CGNL1: variants seen among roughly 807,000 people sequenced by gnomAD.
The protein encoded by CGNL1 is cingulin like 1.
Under a neutral mutation model 141.2 loss-of-function variants are expected in CGNL1, and 132 were observed. That is an observed-to-expected ratio of 0.93 (90% CI 0.81 to 1.08). The LOEUF is 1.08. Among genes scored for constraint, CGNL1 ranks in the 50% least tolerant of loss-of-function variants. CGNL1 has a pLI of 0.00. For missense variants in CGNL1, 1,870 were observed against 1,588.6 expected, an observed-to-expected ratio of 1.18 and a Z score of -3.01; for synonymous variants, 690 against 622.1, an observed-to-expected ratio of 1.11 and a Z score of -1.63.
chr15:57,453,903 C>G, intron 7 of CGNL1, 85 bp downstream of exon 7: 1 of 1,519,636 alleles, frequency 6.6e-7, no homozygotes, highest in Non-Finnish European at 9.0e-7. Flanking sequence ...GACTGCAAGC[C>G]ACTTTCTGAT....
At chr15:57,505,611 C>T (rs2064091019) in intron 8 of CGNL1, among the ~76,000 whole-genome samples, 1 of 152,188 alleles carries the variant, frequency 6.6e-6, no homozygotes, top group Non-Finnish European at 1.5e-5. Flanking sequence ...TGTCTTAACC[C>T]TGTGGGTACC....
chr15:57,413,712 T>G (rs1337361481), intron 1 of CGNL1, among the ~76,000 whole-genome samples: 1 of 152,150 alleles, frequency 6.6e-6, no homozygotes. Context: ...CATACCCACA[T>G]TCAGTGATAA....
intron 8 of CGNL1, 71 bp downstream of exon 8, chr15:57,461,963 G>A: frequency 9.1e-7 from 1 of 1,099,628 alleles, no homozygotes; most frequent in South Asian, 1.3e-5. Flanking sequence ...CCACACCACT[G>A]CAAATCCCCT....
At chr15:57,543,964 A>G (rs1447020619) in intron 15 of CGNL1, among the ~76,000 whole-genome samples, 185 bp downstream of exon 15, 1 of 152,172 alleles carries the variant, frequency 6.6e-6, no homozygotes. Flanking sequence ...GAAGCTTGGC[A>G]GCTGAGGGAG....
At chr15:57,378,672 C>T (rs1664472) in intron 1 of CGNL1, among the ~76,000 whole-genome samples, 81,864 of 151,872 alleles carry the variant, frequency 0.54, 23,885 homozygotes, top group Non-Finnish European at 0.64. Flanking sequence ...CATGAGCCAC[C>T]GTGCCCCGCC....
chr15:57,539,185 A>G (rs563813006), intron 14 of CGNL1, among the ~76,000 whole-genome samples: 1 of 152,078 alleles, frequency 6.6e-6, no homozygotes, highest in African/African-American at 2.4e-5. Flanking sequence ...CAGCAACTAG[A>G]TTTCTTTGTC....
intron 8 of CGNL1, among the ~76,000 whole-genome samples, chr15:57,479,780 C>T (rs2063702819): frequency 6.6e-6 from 1 of 151,900 alleles, no homozygotes; most frequent in East Asian, 1.9e-4. Context: ...GAATGAGGTA[C>T]AGGGGAGGCA....
intron 2 of CGNL1, among the ~76,000 whole-genome samples, chr15:57,439,905 T>C (rs2063163747): frequency 6.6e-6 from 1 of 152,214 alleles, no homozygotes; most frequent in African/African-American, 2.4e-5. Context: ...TCTGAAAGTA[T>C]GCAGAATTTG....
At chr15:57,379,762 T>C (rs1211593384) in intron 1 of CGNL1, among the ~76,000 whole-genome samples, 2 of 152,042 alleles carry the variant, frequency 1.3e-5, no homozygotes, top group African/African-American at 4.8e-5. Context: ...TTTTCAGGCA[T>C]GTGACATTGC....
At chr15:57,498,971 T>C (rs2063982734) in intron 8 of CGNL1, among the ~76,000 whole-genome samples, 1 of 152,178 alleles carries the variant, frequency 6.6e-6, no homozygotes. Flanking sequence ...TTTTTGCGTT[T>C]ATCCTTAAGA....
intron 14 of CGNL1, among the ~76,000 whole-genome samples, chr15:57,542,958 G>A (rs1311161465): frequency 1.3e-5 from 2 of 152,192 alleles, no homozygotes; most frequent in Admixed American, 6.5e-5. Flanking sequence ...AGTGTCATAG[G>A]ATCCTACCTG....
chr15:57,442,334 T>C, intron 3 of CGNL1, 39 bp from the exon 4 acceptor site: 1 of 1,280,552 alleles, frequency 7.8e-7, no homozygotes, highest in Non-Finnish European at 1.1e-6. Context: ...AGACCAGTGG[T>C]TGTGTCCCTC....
chr15:57,535,460 G>A (rs768953631), intron 14 of CGNL1, among the ~76,000 whole-genome samples: 1 of 152,164 alleles, frequency 6.6e-6, no homozygotes, highest in South Asian at 2.1e-4. Context: ...AGAGGGTGGG[G>A]ACCTGGGGTC....
chr15:57,453,088 C>A (rs1310977726), intron 6 of CGNL1, among the ~76,000 whole-genome samples: 3 of 152,082 alleles, frequency 2.0e-5, no homozygotes. Context: ...GAGTTTGGTT[C>A]AGGACAGAGT....
intron 7 of CGNL1, 82 bp downstream of exon 7, chr15:57,453,900 A>G (rs1434830109): frequency 1.2e-5 from 19 of 1,538,940 alleles, no homozygotes; most frequent in Non-Finnish European, 1.5e-5. Flanking sequence ...GTGGACTGCA[A>G]GCCACTTTCT....
chr15:57,457,491 T>C (rs1351312008), intron 7 of CGNL1, among the ~76,000 whole-genome samples: 1 of 152,228 alleles, frequency 6.6e-6, no homozygotes, highest in African/African-American at 2.4e-5. Context: ...CACAGTGCTC[T>C]GTTTTGTTGG....
At chr15:57,417,559 T>C (rs1301759022) in intron 1 of CGNL1, among the ~76,000 whole-genome samples, 1 of 151,708 alleles carries the variant, frequency 6.6e-6, no homozygotes, top group Non-Finnish European at 1.5e-5. Flanking sequence ...GTGGGTAAAC[T>C]GACTCCAAGG....
rs1426376320 is a variant in CGNL1, at chr15:57,529,606, ACACG to A, written c.3201+793_3201+796del. On this transcript the variant is annotated intron_variant, in intron 13 of 18. Coordinates refer to ENST00000281282, the MANE Select transcript of CGNL1 (RefSeq NM_032866.5). ...CACACACACACACACACACACACAC[ACACG>A]CCCCAGTAGAATTTAGAGAGAGGGA... Among the ~76,000 whole-genome samples the A allele has an allele frequency of 1.3e-4, 19 of 141,368 alleles. No homozygotes were observed. In the South Asian group the frequency reaches 2.2e-3, roughly 16 times the overall value. The allele number at this position is 141,368 out of a possible 152,430, so 92.7% of individuals were successfully genotyped here. A position where few individuals can be genotyped will look rare whatever the true frequency, so the allele number is the denominator to read the frequency against.
At chr15:57,427,766 AC>A (rs11319844) in intron 1 of CGNL1, among the ~76,000 whole-genome samples, 148,893 of 152,216 alleles carry the variant, frequency 0.98, 72,902 homozygotes, top group Middle Eastern at 1. Flanking sequence ...GGAATTCCAC[AC>A]CCCCCCATGC....
Sources: gnomAD v4.1 joint callset for allele counts (sites outside exome capture counted in the v4.1 genomes callset) on GRCh38, gnomAD v4.1.1 for gene constraint, MANE v1.5 for transcripts, NCBI Gene and HGNC (gene_info 2026-07-23, HGNC 2026-07-21) for gene names.